Variants in SACS observed in about 807,000 individuals in gnomAD.
SACS encodes the protein sacsin.
SACS carries 197 observed loss-of-function variants against 348.0 expected under a neutral mutation model. The ratio of observed to expected loss-of-function variants is 0.57; its 90% CI spans 0.50 to 0.64. The LOEUF (loss-of-function observed/expected upper bound fraction) is 0.64. Ranked by LOEUF, SACS falls within the 30% of genes least tolerant of loss-of-function variation. The pLI, the probability that SACS is intolerant of heterozygous loss-of-function variation, is 0.00. For missense variants in SACS, 4,999 were observed against 5,360.8 expected, an observed-to-expected ratio of 0.93 and a Z score of 2.11; for synonymous variants, 1,985 against 1,910.6, an observed-to-expected ratio of 1.04 and a Z score of -1.02.
rs751005031 is a variant in SACS at position 23,365,403 on chromosome 13, T to A, written c.346-126A>T. On this transcript the variant is annotated intron_variant, in intron 5 of 9. Transcript: ENST00000382292. ...TAAAGGAAACCCACTATTTGCAACA[T>A]TACCTTTAAGATCTGGTGAGGCTAC... 514 of 628,094 alleles carry A rather than the reference T, an allele frequency of 8.2e-4. 4 individuals are homozygous for A. Among genetic ancestry groups the A allele is most frequent in the Middle Eastern group, 3.4e-3 (8 of 2,342 alleles). The allele number at this position is 628,094 out of a possible 1,614,324, so 38.9% of individuals were successfully genotyped here.
rs183980962 is a variant in SACS at position 23,413,732 on chromosome 13, C to T, written c.-501-1992G>A. Among the ~76,000 whole-genome samples the T allele has an allele frequency of 8.8e-3, 1,341 of 152,258 alleles. 15 individuals carry two copies. The highest frequency in any genetic ancestry group is 0.03 in the African/African-American group (1,252 of 41,536). ...TATAATTAAAAATATTACTAGGCAT[C>T]ATGAGTGAGATTAATTCAAACATAT... On this transcript the variant is annotated intron_variant, in intron 1 of 9. Coordinates refer to ENST00000382292, the MANE Select transcript of SACS (RefSeq NM_014363.6).
chr13:23,408,822 G>C (rs1015689343), intron 2 of SACS, among the ~76,000 whole-genome samples: 5 of 151,616 alleles, frequency 3.3e-5, no homozygotes, highest in African/African-American at 1.2e-4. Context: ...AAAATTAGCC[G>C]GGCGTGGTGG....
intron 2 of SACS, among the ~76,000 whole-genome samples, chr13:23,391,906 A>G (rs1270812652): frequency 6.6e-6 from 1 of 152,280 alleles, no homozygotes; most frequent in East Asian, 1.9e-4. Flanking sequence ...TCATGTGCAC[A>G]TGGAACATGG....
At chr13:23,429,341 A>AG (rs1874328358) in intron 1 of SACS, among the ~76,000 whole-genome samples, 1 of 98,416 alleles carries the variant, frequency 1.0e-5, no homozygotes, top group Admixed American at 1.1e-4. Flanking sequence ...TCGTTGAGGT[A>AG]GGGATTTTTT....
intron 2 of SACS, among the ~76,000 whole-genome samples, chr13:23,408,535 T>C (rs1353923160): frequency 6.6e-6 from 1 of 152,234 alleles, no homozygotes; most frequent in African/African-American, 2.4e-5. Context: ...TAACTGCTTT[T>C]CCCACAATAT....
Position 23,341,544 on chromosome 13 carries a change from A to G in SACS, c.2332T>C (p.Trp778Arg). 6.2e-7 allele frequency: 1 copy of G among 1,614,140 alleles called. No homozygotes were observed. Among genetic ancestry groups the G allele is most frequent in the Non-Finnish European group, 8.5e-7 (1 of 1,180,006 alleles). Reference sequence around the variant, plus strand: ...AGATTTTTCCAAACCATCTTAAGCCATGAAACAGATGGGTGATTTCTGTTT... The same window carrying G: ...AGATTTTTCCAAACCATCTTAAGCCGTGAAACAGATGGGTGATTTCTGTTT... ...DENRNHPSVS[W>R]LKMVWKNLYI... Residue 778 changes from tryptophan (W) to arginine (R), a missense_variant, in exon 10 of 10, where the codon TGG becomes CGG. Transcript: ENST00000382292.
chr13:23,430,881 C>T (rs1200562821), intron 1 of SACS, among the ~76,000 whole-genome samples: 3 of 152,140 alleles, frequency 2.0e-5, no homozygotes, highest in Non-Finnish European at 4.4e-5. Context: ...CCAGAACCAA[C>T]GTGTCACCTT....
In SACS at chr13:23,341,780, C is replaced by CTTTT. The variant is rs4068499; in HGVS notation, c.2186-94_2186-91dup. Reference sequence around the variant, plus strand: ...ACAAATAACACAGTACTGGAAGGTTCTTTTTTTTTTTTTTTTTTTTTTTTT... The same window carrying CTTTT: ...ACAAATAACACAGTACTGGAAGGTTCTTTTTTTTTTTTTTTTTTTTTTTTTTTTT... On this transcript the variant is annotated intron_variant, in intron 9 of 9. Coordinates refer to ENST00000382292, the MANE Select transcript of SACS (RefSeq NM_014363.6). 4.8e-4 allele frequency: 143 copies of CTTTT among 298,940 alleles called. 1 individual carries two copies. Among genetic ancestry groups the CTTTT allele is most frequent in the African/African-American group, 6.7e-4 (16 of 23,996 alleles). 18.5% of individuals were successfully genotyped at this position (298,940 alleles called of 1,614,324 possible). A position where few individuals can be genotyped will look rare whatever the true frequency, so the allele number is the denominator to read the frequency against.
At position 23,354,846 on chromosome 13, in the gene SACS, G is replaced by C; in HGVS notation, c.1766C>G (p.Thr589Ser). 1 of 1,614,218 alleles carries C rather than the reference G, an allele frequency of 6.2e-7. No individual in the cohort carries two copies. Among genetic ancestry groups the C allele is most frequent in the African/African-American group, 1.3e-5 (1 of 75,054 alleles). ...ELDENLEYTK[T>S]VLNYLQSSGK... Reference sequence around the variant, plus strand: ...TGAGCTCTGGAGGTAGTTGAGCACAGTTTTTGTGTATTCTAAATTTTCATC... The same window carrying C: ...TGAGCTCTGGAGGTAGTTGAGCACACTTTTTGTGTATTCTAAATTTTCATC... The change falls in exon 8 of 10, where the codon ACT (threonine) becomes AGT (serine). Residue 589 changes from threonine (T) to serine (S), a missense_variant. Transcript: ENST00000382292.
chr13:23,375,166 T>G lies in SACS; in HGVS notation c.124A>C (p.Thr42Pro). 2 of 1,504,768 alleles carry G rather than the reference T, an allele frequency of 1.3e-6. No homozygotes were observed. The highest frequency in any genetic ancestry group is 1.8e-6 in the Non-Finnish European group (2 of 1,127,150). The allele number at this position is 1,504,768 out of a possible 1,614,324, so 93.2% of individuals were successfully genotyped here. ...CGCTGCTCCGACACCGGGAAGCCAG[T>G]CTCCGCGAAGATACGTTCCTTCACA... The part of the protein sequence containing the change: ...RDVKERIFAE[T>P]GFPVSEQRLW... Residue 42 changes from threonine to proline, a missense_variant, in exon 3 of 10, where the codon ACT becomes CCT. Physicochemically the swap from Thr to Pro is conservative, Grantham distance 38. Around this residue, in one of 6 missense-constraint regions of SACS, gnomAD observed 3,156 missense variants for 3,380.1 expected, o/e 0.93. Transcript: ENST00000382292.
chr13:23,363,201 A>T (rs1487855554), intron 6 of SACS, among the ~76,000 whole-genome samples: 1 of 148,676 alleles, frequency 6.7e-6, no homozygotes, highest in Admixed American at 6.7e-5. Context: ...GAGCCACCGC[A>T]CCTGGCCTAC....
Position 23,358,363 on chromosome 13 carries a change from A to G in SACS, c.576T>C (p.Ile192=), listed in dbSNP as rs1314146678. ...DDPLKVGRFG[I]GFNSVYHITD... ...TTATATGATAGACAGAATTAAACCCAATTCCAAATCTTCCGACCTTCAGAG... is the reference window on the plus strand; with the variant it reads ...TTATATGATAGACAGAATTAAACCCGATTCCAAATCTTCCGACCTTCAGAG... Residue 192 remains isoleucine (I), a synonymous_variant, in exon 7 of 10, where the codon ATT becomes ATC. Transcript: ENST00000382292. The G allele has an allele frequency of 6.2e-7, 1 of 1,614,190 alleles. No homozygotes were observed. The highest frequency in any genetic ancestry group is 8.5e-7 in the Non-Finnish European group (1 of 1,180,012).
chr13:23,350,664 T>C (rs1038793347), intron 9 of SACS, among the ~76,000 whole-genome samples: 6 of 152,194 alleles, frequency 3.9e-5, no homozygotes, highest in Non-Finnish European at 8.8e-5. Flanking sequence ...GTGCTCTGTG[T>C]CAGCAAAGCA....
chr13:23,360,309 C>G (rs1870649441), intron 6 of SACS, among the ~76,000 whole-genome samples: 1 of 151,404 alleles, frequency 6.6e-6, no homozygotes, highest in Non-Finnish European at 1.5e-5. Flanking sequence ...ATATCTTGTT[C>G]CTACCCAACA....
At chr13:23,409,129 T>C (rs1873374066) in intron 2 of SACS, among the ~76,000 whole-genome samples, 2 of 128,660 alleles carry the variant, frequency 1.6e-5, no homozygotes. Flanking sequence ...TTCGGCTCAC[T>C]GATTGCAAGC....
chr13:23,355,953 G>A lies in SACS; in HGVS notation c.659C>T (p.Thr220Ile), dbSNP rs377356216. 9 of 1,613,898 alleles carry A rather than the reference G, an allele frequency of 5.6e-6. No individual in the cohort carries two copies. The highest frequency in any genetic ancestry group is 7.6e-6 in the Non-Finnish European group (9 of 1,180,002). The change falls in exon 8 of 10, where the codon ACA (threonine) becomes ATA (isoleucine). Residue 220 changes from threonine (T) to isoleucine (I), a missense_variant. Coordinates refer to ENST00000382292, the MANE Select transcript of SACS (RefSeq NM_014363.6). Reference protein sequence around the residue: ...DQIGMLDPHQTLFGPHESGQC... With the variant: ...DQIGMLDPHQILFGPHESGQC... The stretch of plus-strand genomic sequence containing the variant: ...GCCTGATTCATGTGGGCCAAAAAGT[G>A]TTTGATGAGGATCTAGCATCCCGAT...
chr13:23,375,537 G>A (rs572516934), intron 2 of SACS: 4 of 1,063,626 alleles, frequency 3.8e-6, no homozygotes, highest in Middle Eastern at 4.2e-4. Flanking sequence ...CGGCGGCCGA[G>A]GAGCAGGCGG....
intron 2 of SACS, among the ~76,000 whole-genome samples, chr13:23,377,928 G>T (rs2137855729): frequency 6.6e-6 from 1 of 152,288 alleles, no homozygotes; most frequent in Middle Eastern, 3.4e-3. Context: ...GAATTTATTG[G>T]ACAGGCCAGA....
intron 9 of SACS, 151 bp downstream of exon 9, chr13:23,353,634 G>T: frequency 1.7e-6 from 1 of 594,510 alleles, no homozygotes; most frequent in South Asian, 2.3e-5. Context: ...ATGCCATTCT[G>T]GCAACTGAAA....
Sources: gnomAD v4.1 joint callset for allele counts (sites outside exome capture counted in the v4.1 genomes callset) on GRCh38, gnomAD v4.1.1 for gene constraint, gnomAD v4.1.1 regional missense constraint, MANE v1.5 for transcripts, NCBI Gene and HGNC (gene_info 2026-07-23, HGNC 2026-07-21) for gene names.